The following GRID2 variants were observed in gnomAD, a reference collection of about 807,000 sequenced individuals.
GRID2 encodes glutamate ionotropic receptor delta type subunit 2, also known as glutamate receptor ionotropic, delta-2.
GRID2 carries 33 observed loss-of-function variants against 114.8 expected under a neutral mutation model. The ratio of observed to expected loss-of-function variants is 0.29; its 90% CI spans 0.22 to 0.38. GRID2 has a LOEUF of 0.38. Ranked by LOEUF, GRID2 falls within the 10% of genes least tolerant of loss-of-function variation. The probability of loss-of-function intolerance (pLI) is 1.00; values close to 1 mark genes in which losing one functional copy is unlikely to be tolerated. For synonymous variants in GRID2, 505 were observed against 449.9 expected, an observed-to-expected ratio of 1.12 and a Z score of -1.55; for missense variants, 1,184 against 1,257.7, an observed-to-expected ratio of 0.94 and a Z score of 0.89.
chr4:92,725,135 T>TG (rs1288910844), intron 2 of GRID2, among the ~76,000 whole-genome samples: 5 of 152,084 alleles, frequency 3.3e-5, no homozygotes, highest in Non-Finnish European at 7.4e-5. Context: ...ACCCCGTCTC[T>TG]ACCAAAAATA....
chr4:92,471,468 C>T (rs918103201), intron 1 of GRID2, among the ~76,000 whole-genome samples: 1 of 151,898 alleles, frequency 6.6e-6, no homozygotes, highest in African/African-American at 2.4e-5. Context: ...ACTCTTTTTT[C>T]CCATTATGTT....
intron 2 of GRID2, among the ~76,000 whole-genome samples, chr4:92,760,404 C>T (rs575081511): frequency 2.0e-5 from 3 of 152,118 alleles, no homozygotes; most frequent in South Asian, 2.1e-4. Context: ...TGGGGAAATG[C>T]TTTGGTTGAA....
chr4:93,268,871 G>A (rs1254413576), intron 8 of GRID2, among the ~76,000 whole-genome samples: 2 of 152,096 alleles, frequency 1.3e-5, no homozygotes, highest in South Asian at 2.1e-4. Flanking sequence ...GTATGATTCT[G>A]GTAGCCCACG....
intron 2 of GRID2, among the ~76,000 whole-genome samples, chr4:92,691,336 A>G (rs1734172833): frequency 1.3e-5 from 2 of 152,128 alleles, no homozygotes; most frequent in African/African-American, 4.8e-5. Flanking sequence ...TCCAGAGGAA[A>G]CAAATAACAC....
intron 4 of GRID2, among the ~76,000 whole-genome samples, chr4:93,154,009 A>T (rs1379401991): frequency 6.6e-6 from 1 of 152,052 alleles, no homozygotes; most frequent in Non-Finnish European, 1.5e-5. Flanking sequence ...ATAAATAGTG[A>T]GCAAATGATC....
chr4:93,078,073 C>G (rs185842423), intron 2 of GRID2, among the ~76,000 whole-genome samples: 41 of 152,298 alleles, frequency 2.7e-4, no homozygotes, highest in Non-Finnish European at 3.2e-4. Context: ...TAACCTTGCA[C>G]CACTCTCTAC....
At chr4:92,480,642 CT>C (rs1560659563) in intron 1 of GRID2, among the ~76,000 whole-genome samples, 40 of 152,154 alleles carry the variant, frequency 2.6e-4, no homozygotes, top group Admixed American at 5.2e-4. Context: ...TGTTGTTTGT[CT>C]TTTCTGCCTT....
intron 1 of GRID2, among the ~76,000 whole-genome samples, chr4:92,529,869 C>T (rs559483364): frequency 6.6e-6 from 1 of 151,936 alleles, no homozygotes; most frequent in Non-Finnish European, 1.5e-5. Context: ...AAATTGCTGG[C>T]AGTAGAGAAG....
chr4:92,526,339 AT>A (rs1411963472), intron 1 of GRID2, among the ~76,000 whole-genome samples: 1 of 151,964 alleles, frequency 6.6e-6, no homozygotes, highest in Non-Finnish European at 1.5e-5. Flanking sequence ...TGATAGTTGC[AT>A]TTTTTGTTTG....
intron 8 of GRID2, among the ~76,000 whole-genome samples, chr4:93,388,241 G>A (rs1050452535): frequency 6.6e-6 from 1 of 152,058 alleles, no homozygotes; most frequent in Non-Finnish European, 1.5e-5. Flanking sequence ...TTAAAGAATT[G>A]CAGGTGTCTT....
At chr4:93,683,169 C>T (rs1000093174) in intron 14 of GRID2, among the ~76,000 whole-genome samples, 37 of 151,908 alleles carry the variant, frequency 2.4e-4, no homozygotes, top group African/African-American at 8.5e-4. Context: ...TCTCCCTGGG[C>T]TTCTCCTTGG....
chr4:92,998,227 G>A (rs1363336987), intron 2 of GRID2, among the ~76,000 whole-genome samples: 1 of 151,840 alleles, frequency 6.6e-6, no homozygotes. Context: ...ACATTACATT[G>A]AAATCATTTC....
chr4:92,399,962 G>T (rs916500138), intron 1 of GRID2, among the ~76,000 whole-genome samples: 2 of 152,026 alleles, frequency 1.3e-5, no homozygotes, highest in African/African-American at 4.8e-5. Context: ...AGCTGGAAAA[G>T]ATTTTAAAGA....
chr4:92,696,891 TGA>T (rs1213105536), intron 2 of GRID2, among the ~76,000 whole-genome samples: 3 of 152,190 alleles, frequency 2.0e-5, no homozygotes, highest in African/African-American at 7.2e-5. Context: ...TGATTTTATT[TGA>T]CATTCTTCTA....
intron 1 of GRID2, among the ~76,000 whole-genome samples, chr4:92,412,334 T>G (rs1731379036): frequency 6.6e-6 from 1 of 152,190 alleles, no homozygotes; most frequent in Non-Finnish European, 1.5e-5. Context: ...GTTTCACTAG[T>G]AAGTCACTTT....
At chr4:92,914,178 A>C (rs1656855380) in intron 2 of GRID2, among the ~76,000 whole-genome samples, 1 of 152,136 alleles carries the variant, frequency 6.6e-6, no homozygotes, top group Non-Finnish European at 1.5e-5. Flanking sequence ...ATATTTAATA[A>C]TGTATAAAGA....
chr4:93,120,014 G>A (rs1477972635), intron 4 of GRID2, among the ~76,000 whole-genome samples: 8 of 152,136 alleles, frequency 5.3e-5, no homozygotes, highest in Non-Finnish European at 1.2e-4. Context: ...ATCACTGGTC[G>A]TAAGAGAAAT....
At chr4:93,130,396 G>A (rs1027175118) in intron 4 of GRID2, among the ~76,000 whole-genome samples, 5 of 152,078 alleles carry the variant, frequency 3.3e-5, no homozygotes, top group Non-Finnish European at 5.9e-5. Context: ...AGCCATGTTC[G>A]CACCACCACA....
intron 2 of GRID2, among the ~76,000 whole-genome samples, chr4:92,781,632 T>C (rs940942474): frequency 3.3e-5 from 5 of 152,090 alleles, no homozygotes; most frequent in African/African-American, 1.2e-4. Context: ...ATAAGCTAAC[T>C]ATGTATATAT....
Sources: allele counts gnomAD v4.1 joint callset (sites outside exome capture counted in the v4.1 genomes callset), GRCh38; gene constraint gnomAD v4.1.1; transcripts MANE v1.5; gene names NCBI Gene and HGNC (gene_info 2026-07-23, HGNC 2026-07-21).